The following GNB1L variants were observed in gnomAD, a reference collection of about 807,000 sequenced individuals.
GNB1L encodes G protein subunit beta 1 like.
In GNB1L, 20 loss-of-function variants were observed where a neutral mutation model predicts 29.1. The observed-to-expected ratio is 0.69, with a 90% CI of 0.48 to 1.00. GNB1L has a LOEUF of 1.00. Among genes scored for constraint, GNB1L ranks in the 50% least tolerant of loss-of-function variants. The probability of loss-of-function intolerance (pLI) is 0.00; values close to 1 mark genes in which losing one functional copy is unlikely to be tolerated. For synonymous variants in GNB1L, 193 were observed against 206.5 expected (o/e 0.93, Z 0.56); for missense variants, 421 against 464.9 (o/e 0.91, Z 0.87).
At position 19,792,436 on chromosome 22, in the gene GNB1L, A is replaced by G. The variant is rs1248095937; in HGVS notation, c.733-3476T>C. On this transcript the variant is annotated intron_variant, in intron 7 of 7. Transcript: ENST00000329517. ...GGCATCGGACAGGACATCCAGCCCAAAAGAGACCTCACCCACTTTGTGAAA... is the reference window on the plus strand; with the variant it reads ...GGCATCGGACAGGACATCCAGCCCAGAAGAGACCTCACCCACTTTGTGAAA... 5 of 1,573,422 alleles carry G rather than the reference A, an allele frequency of 3.2e-6. No homozygotes were observed. In the Admixed American group the frequency reaches 6.7e-5, roughly 21 times the overall value.
chr22:19,791,702 T>C (rs1937255268), intron 7 of GNB1L, among the ~76,000 whole-genome samples: 2 of 152,254 alleles, frequency 1.3e-5, no homozygotes, highest in Middle Eastern at 3.4e-3. Context: ...GCTGCACAGT[T>C]AAACAGAACA....
intron 2 of GNB1L, among the ~76,000 whole-genome samples, chr22:19,845,089 G>C (rs1403557488): frequency 6.6e-6 from 1 of 152,248 alleles, no homozygotes; most frequent in East Asian, 1.9e-4. Context: ...GGACTTGCCT[G>C]TGTGGCTCCT....
intron 2 of GNB1L, among the ~76,000 whole-genome samples, chr22:19,826,639 T>G (rs948087630): frequency 3.3e-5 from 5 of 152,176 alleles, no homozygotes; most frequent in Non-Finnish European, 5.9e-5. Context: ...AAACAGGAGA[T>G]GTGTGTTGCG....
intron 2 of GNB1L, among the ~76,000 whole-genome samples, chr22:19,830,939 C>T (rs1385145468): frequency 6.6e-6 from 1 of 152,152 alleles, no homozygotes; most frequent in Non-Finnish European, 1.5e-5. Flanking sequence ...AAATGGTTAA[C>T]CATATAAAAT....
Position 19,783,383 on chromosome 22 carries a change from C to T in GNB1L, c.*5326G>A. On this transcript the variant is annotated 3_prime_UTR_variant, in exon 8 of 8. Coordinates refer to ENST00000329517, the MANE Select transcript of GNB1L (RefSeq NM_053004.3). ...GGCAGGGGACAGATGTGCTGCTGTT[C>T]CCAGGCCACCTGCACAGCTGGATGG... The T allele has an allele frequency of 2.9e-6, 1 of 345,154 alleles. No individual in the cohort carries two copies. 21.4% of individuals were successfully genotyped at this position (345,154 alleles called of 1,614,324 possible). A position where few individuals can be genotyped will look rare whatever the true frequency, so the allele number is the denominator to read the frequency against.
intron 7 of GNB1L, among the ~76,000 whole-genome samples, chr22:19,799,502 AGCGCATGACCTCAGGT>A (rs1384526180): frequency 2.2e-4 from 33 of 152,214 alleles, no homozygotes; most frequent in Non-Finnish European, 4.3e-4. Context: ...TGGCTCTCGT[AGCGCATGACCTCAGGT>A]GCCAGGAATG....
intron 7 of GNB1L, among the ~76,000 whole-genome samples, chr22:19,799,139 T>C (rs919852634): frequency 1.3e-5 from 2 of 152,228 alleles, no homozygotes; most frequent in East Asian, 3.8e-4. Context: ...CCACGGTTGG[T>C]CCACTTCCCA....
chr22:19,849,644 G>C lies in GNB1L; in HGVS notation c.-21+4799C>G, dbSNP rs531641351. 3.1e-5 allele frequency: 30 copies of C among 976,474 alleles called. No individual in the cohort carries two copies. In the African/African-American group the frequency reaches 4.9e-4, roughly 16 times the overall value. 60.5% of individuals were successfully genotyped at this position (976,474 alleles called of 1,614,324 possible). On this transcript the variant is annotated intron_variant, in intron 2 of 7. Coordinates refer to ENST00000329517, the MANE Select transcript of GNB1L (RefSeq NM_053004.3). Reference sequence around the variant, plus strand: ...GGCCTCCCAGAGTGCTGGGATTACAGGTGTGAGACACTGCTCCCGGCCAGT... The same window carrying C: ...GGCCTCCCAGAGTGCTGGGATTACACGTGTGAGACACTGCTCCCGGCCAGT...
intron 6 of GNB1L, among the ~76,000 whole-genome samples, chr22:19,802,812 C>T (rs1002315162): frequency 2.0e-5 from 3 of 152,224 alleles, no homozygotes; most frequent in African/African-American, 4.8e-5. Flanking sequence ...GTGAGCCGCC[C>T]GAGCTCTTGT....
At chr22:19,825,320 G>A (rs1018042791) in intron 2 of GNB1L, among the ~76,000 whole-genome samples, 10 of 152,220 alleles carry the variant, frequency 6.6e-5, no homozygotes, top group African/African-American at 2.4e-4. Context: ...TAAAGATGTT[G>A]ATAAAAGTTT....
intron 7 of GNB1L, chr22:19,792,529 C>T (rs902586356): frequency 5.2e-6 from 8 of 1,542,346 alleles, no homozygotes; most frequent in Non-Finnish European, 7.1e-6. Context: ...GTGCCTCCTG[C>T]AATTAACCAG....
intron 3 of GNB1L, 125 bp from the exon 4 acceptor site, chr22:19,820,848 C>T (rs1243966402): frequency 5.1e-6 from 6 of 1,167,684 alleles, no homozygotes; most frequent in Non-Finnish European, 7.3e-6. Context: ...AAGCCAACAG[C>T]TCTAAATATG....
At chr22:19,828,327 T>C (rs553544392) in intron 2 of GNB1L, among the ~76,000 whole-genome samples, 67 of 152,328 alleles carry the variant, frequency 4.4e-4, no homozygotes, top group African/African-American at 1.2e-3. Flanking sequence ...CAAAGACAGA[T>C]AGTTTTTAAT....
At chr22:19,796,735 C>T (rs1937310427) in intron 7 of GNB1L, among the ~76,000 whole-genome samples, 1 of 152,120 alleles carries the variant, frequency 6.6e-6, no homozygotes, top group East Asian at 1.9e-4. Flanking sequence ...GGACAGTCAC[C>T]TCTGGAAACA....
chr22:19,815,502 T>TG (rs1937520818), intron 4 of GNB1L, among the ~76,000 whole-genome samples: 1 of 152,144 alleles, frequency 6.6e-6, no homozygotes, highest in Non-Finnish European at 1.5e-5. Context: ...AGGGGAGGTG[T>TG]GGCTGCACAC....
intron 2 of GNB1L, chr22:19,848,957 C>T (rs933830650): frequency 1.0e-6 from 1 of 985,578 alleles, no homozygotes; most frequent in African/African-American, 1.7e-5. Context: ...TACTGCCAGA[C>T]CCACAGGTGA....
In GNB1L at chr22:19,788,743, C is replaced by T. The variant is rs140729983; in HGVS notation, c.950G>A (p.Arg317Gln). The change falls in exon 8 of 8, where the codon CGG becomes CAG. Residue 317 changes from arginine (R) to glutamine (Q), a missense_variant. Transcript: ENST00000329517. Reference protein sequence around the residue: ...GLLAAGSKDQRISLWSLYPRA With the variant: ...GLLAAGSKDQQISLWSLYPRA ...TGGGTAGAGTGACCAGAGGCTGATC[C>T]GCTGATCCTTGGAGCCCGCGGCCAG... The T allele has an allele frequency of 1.6e-5, 25 of 1,611,332 alleles. No homozygotes were observed. The African/African-American group carries it at 1.6e-4, about 10-fold the overall frequency.
chr22:19,851,794 G>A (rs764244158), intron 2 of GNB1L: 8 of 1,613,928 alleles, frequency 5.0e-6, no homozygotes, highest in South Asian at 1.1e-5. Flanking sequence ...CATCAAGGTA[G>A]GGGGCTGCCC....
chr22:19,837,900 C>T (rs185416778), intron 2 of GNB1L, among the ~76,000 whole-genome samples: 5 of 152,226 alleles, frequency 3.3e-5, no homozygotes, highest in African/African-American at 1.2e-4. Context: ...ATGCAAAATT[C>T]TAGGAGATAC....
Sources: gnomAD v4.1 joint callset for allele counts (sites outside exome capture counted in the v4.1 genomes callset) on GRCh38, gnomAD v4.1.1 for gene constraint, MANE v1.5 for transcripts, NCBI Gene and HGNC (gene_info 2026-07-23, HGNC 2026-07-21) for gene names.